TCF4: variants seen among roughly 807,000 people sequenced by gnomAD.
TCF4 encodes transcription factor 4, also known as SL3-3 enhancer factor 2.
In TCF4, 3 loss-of-function variants were observed where a neutral mutation model predicts 82.1. That is an observed-to-expected ratio of 0.04 (90% CI 0.02 to 0.09). The LOEUF (loss-of-function observed/expected upper bound fraction) is 0.09. TCF4 is among the 10% of genes least tolerant of loss of function. TCF4 has a pLI of 1.00. For synonymous variants in TCF4, 276 were observed against 309.6 expected, an observed-to-expected ratio of 0.89 and a Z score of 1.14; for missense variants, 518 against 852.7, an observed-to-expected ratio of 0.61 and a Z score of 4.89.
Position 55,422,125 on chromosome 18 carries a change from CAAAAAAAAAAAAAA to C in TCF4, c.305-18621_305-18608del, listed in dbSNP as rs555892552. On this transcript the variant is annotated intron_variant, in intron 5 of 19. Transcript: ENST00000354452. Reference sequence around the variant, plus strand: ...CAAAAAAAAAAAAACCACTATCATCCAAAAAAAAAAAAAAAAAAAAAAACCCACCCTGAATAGAG... The same window carrying C: ...CAAAAAAAAAAAAACCACTATCATCCAAAAAAAAACCCACCCTGAATAGAG... The C allele has an allele frequency of 1.3e-4, 41 of 323,464 alleles. No individual in the cohort carries two copies. In the Admixed American group the frequency reaches 3.0e-3, roughly 24 times the overall value. 20.0% of individuals were successfully genotyped at this position (323,464 alleles called of 1,614,324 possible). A position where few individuals can be genotyped will look rare whatever the true frequency, so the allele number is the denominator to read the frequency against.
At chr18:55,358,374 G>A (rs1420853941) in intron 6 of TCF4, among the ~76,000 whole-genome samples, 1 of 152,226 alleles carries the variant, frequency 6.6e-6, no homozygotes, top group Non-Finnish European at 1.5e-5. Flanking sequence ...GTATGAGGAG[G>A]AGGATGGGTG....
intron 3 of TCF4, among the ~76,000 whole-genome samples, chr18:55,494,923 C>T (rs1001250299): frequency 6.7e-6 from 1 of 148,918 alleles, no homozygotes; most frequent in Non-Finnish European, 1.5e-5. Flanking sequence ...TACCTTATTG[C>T]AACATCTATA....
intron 5 of TCF4, among the ~76,000 whole-genome samples, chr18:55,435,438 G>A (rs909849360): frequency 2.6e-5 from 4 of 152,142 alleles, no homozygotes; most frequent in Non-Finnish European, 5.9e-5. Context: ...CATGTTTACT[G>A]TTTGTCTCTT....
chr18:55,240,035 A>G (rs7228712), intron 15 of TCF4, among the ~76,000 whole-genome samples: 4 of 152,176 alleles, frequency 2.6e-5, no homozygotes, highest in African/African-American at 9.7e-5. Flanking sequence ...CTTCTATTCT[A>G]CCATAATCCT....
At chr18:55,402,344 ATT>A (rs2093870147) in intron 6 of TCF4, 1 of 445,804 alleles carries the variant, frequency 2.2e-6, no homozygotes. Flanking sequence ...CATAGGCTCG[ATT>A]TAATTACAAA....
chr18:55,587,949 G>A (rs2097668124), intron 1 of TCF4, 89 bp downstream of exon 1: 1 of 915,000 alleles, frequency 1.1e-6, no homozygotes, highest in Admixed American at 6.4e-5. Context: ...GGCGCGGGAG[G>A]CGCGGAGCCG....
rs570445996 is a variant in TCF4 at position 55,603,080 on chromosome 18, C to T, written c.287-15944G>A. Reference sequence around the variant, plus strand: ...GTAATATACCTGGGTTCAGATTTTACCAGCTTTGTGACCCTAGAGCAGCTT... The same window carrying T: ...GTAATATACCTGGGTTCAGATTTTATCAGCTTTGTGACCCTAGAGCAGCTT... On this transcript the variant is annotated intron_variant, in intron 2 of 20. Transcript: ENST00000398339. Among the ~76,000 whole-genome samples the T allele has an allele frequency of 4.6e-5, 7 of 152,156 alleles. No individual in the cohort carries two copies. In the South Asian group the frequency reaches 8.3e-4, roughly 18 times the overall value.
At chr18:55,303,254 C>CACCCCT (rs1555851944) in intron 8 of TCF4, among the ~76,000 whole-genome samples, 13 of 150,000 alleles carry the variant, frequency 8.7e-5, no homozygotes, top group African/African-American at 3.3e-4. Flanking sequence ...CACACACACA[C>CACCCCT]ACACACACAC....
intron 3 of TCF4, among the ~76,000 whole-genome samples, chr18:55,525,085 A>G (rs554473989): frequency 3.3e-5 from 5 of 151,376 alleles, no homozygotes; most frequent in African/African-American, 1.2e-4. Flanking sequence ...TCTCTCTCCT[A>G]TCTTACTCTA....
intron 3 of TCF4, among the ~76,000 whole-genome samples, chr18:55,492,693 T>TG (rs1299432129): frequency 2.0e-5 from 3 of 152,214 alleles, no homozygotes; most frequent in African/African-American, 4.8e-5. Flanking sequence ...GATGAGATAT[T>TG]GCTGGTCCTG....
At chr18:55,572,363 A>G (rs1026804706) in intron 3 of TCF4, among the ~76,000 whole-genome samples, 2 of 152,244 alleles carry the variant, frequency 1.3e-5, no homozygotes, top group African/African-American at 2.4e-5. Flanking sequence ...ACTAACAAGT[A>G]TCCTGAGTTG....
At chr18:55,270,577 CAT>C (rs1326112532) in intron 10 of TCF4, among the ~76,000 whole-genome samples, 15 of 152,276 alleles carry the variant, frequency 9.9e-5, no homozygotes, top group African/African-American at 3.6e-4. Context: ...ATTAGGACCA[CAT>C]GACTTATTTT....
chr18:55,321,384 C>T, intron 8 of TCF4: 1 of 452,730 alleles, frequency 2.2e-6, no homozygotes, highest in Non-Finnish European at 4.0e-6. Flanking sequence ...ATCATACCAC[C>T]TCTCAACTTT....
intron 6 of TCF4, chr18:55,401,699 T>C (rs2093829727): frequency 1.0e-6 from 1 of 986,154 alleles, no homozygotes; most frequent in African/African-American, 1.7e-5. Context: ...ACGGTCTGGA[T>C]GATGCTTTCA....
chr18:55,330,490 TTAAC>T (rs774985543), intron 8 of TCF4, among the ~76,000 whole-genome samples: 67 of 151,852 alleles, frequency 4.4e-4, no homozygotes, highest in Non-Finnish European at 3.2e-4. Context: ...TTGGATATCT[TTAAC>T]TAATCAACTG....
chr18:55,421,488 G>A (rs955861531), intron 5 of TCF4, among the ~76,000 whole-genome samples: 1 of 152,090 alleles, frequency 6.6e-6, no homozygotes, highest in African/African-American at 2.4e-5. Context: ...TATTTATGCT[G>A]GGCTAGCAAC....
chr18:55,471,860 T>C (rs1180680298), intron 3 of TCF4, among the ~76,000 whole-genome samples: 16 of 152,028 alleles, frequency 1.1e-4, no homozygotes, highest in Non-Finnish European at 5.9e-5. Context: ...TTCTCAGAGC[T>C]AATGGATTTC....
At chr18:55,418,392 C>T (rs1036931770) in intron 5 of TCF4, among the ~76,000 whole-genome samples, 5 of 151,980 alleles carry the variant, frequency 3.3e-5, no homozygotes, top group African/African-American at 1.2e-4. Flanking sequence ...TCTAATGTAA[C>T]ATTATATTTG....
intron 15 of TCF4, among the ~76,000 whole-genome samples, chr18:55,240,589 A>C (rs1261073): frequency 0.46 from 69,472 of 152,028 alleles, 17,231 homozygotes; most frequent in African/African-American, 0.68. Context: ...GATGGGAATT[A>C]GGAAGTTCAT....
Sources: gnomAD v4.1 joint callset for allele counts (sites outside exome capture counted in the v4.1 genomes callset) on GRCh38, gnomAD v4.1.1 for gene constraint, MANE v1.5 for transcripts, NCBI Gene and HGNC (gene_info 2026-07-23, HGNC 2026-07-21) for gene names.